The following NALF1 variants were observed in gnomAD, a reference collection of about 807,000 sequenced individuals.
NALF1 encodes the protein NALCN channel auxiliary factor 1.
NALF1 carries 3 observed loss-of-function variants against 48.4 expected under a neutral mutation model. The observed-to-expected ratio is 0.06, with a 90% CI of 0.03 to 0.16. The LOEUF (loss-of-function observed/expected upper bound fraction) is 0.16. Ranked by LOEUF, NALF1 falls within the 10% of genes least tolerant of loss-of-function variation. NALF1 has a pLI of 1.00. For missense variants in NALF1, 526 were observed against 571.5 expected, an observed-to-expected ratio of 0.92 and a Z score of 0.81; for synonymous variants, 262 against 245.7, an observed-to-expected ratio of 1.07 and a Z score of -0.62.
At chr13:107,835,462 C>A (rs545274879) in intron 1 of NALF1, 1 of 152,306 alleles carries the variant, frequency 6.6e-6, no homozygotes, top group African/African-American at 2.4e-5. Flanking sequence ...GAGGAATAAA[C>A]CTCCTTTTAG....
intron 1 of NALF1, among the ~76,000 whole-genome samples, chr13:107,252,115 G>A (rs1460218710): frequency 1.3e-5 from 2 of 152,164 alleles, no homozygotes; most frequent in Non-Finnish European, 2.9e-5. Context: ...GGGCATGGGA[G>A]GCCTGGCGAG....
chr13:107,490,012 T>A (rs1885389800), intron 1 of NALF1, among the ~76,000 whole-genome samples: 1 of 152,046 alleles, frequency 6.6e-6, no homozygotes, highest in Non-Finnish European at 1.5e-5. Flanking sequence ...ATTAGAGAAA[T>A]GCAAATCAAA....
At chr13:107,445,654 T>C (rs1200725116) in intron 1 of NALF1, among the ~76,000 whole-genome samples, 2 of 152,242 alleles carry the variant, frequency 1.3e-5, no homozygotes, top group Non-Finnish European at 2.9e-5. Flanking sequence ...TTCCAGAATG[T>C]CAGTGACATT....
chr13:107,387,449 C>T (rs1223331950), intron 1 of NALF1, among the ~76,000 whole-genome samples: 1 of 152,124 alleles, frequency 6.6e-6, no homozygotes, highest in Non-Finnish European at 1.5e-5. Flanking sequence ...TTACTGTCAA[C>T]CCCCACTGAT....
At chr13:107,806,146 T>A (rs141823577) in intron 1 of NALF1, among the ~76,000 whole-genome samples, 7 of 152,124 alleles carry the variant, frequency 4.6e-5, no homozygotes, top group African/African-American at 1.2e-4. Flanking sequence ...GGAAGGCACA[T>A]GCGTTTTAGA....
At chr13:107,777,166 A>C (rs1036857635) in intron 1 of NALF1, among the ~76,000 whole-genome samples, 1 of 152,200 alleles carries the variant, frequency 6.6e-6, no homozygotes, top group African/African-American at 2.4e-5. Flanking sequence ...GAAACTTCAC[A>C]TAAAGTATCT....
intron 1 of NALF1, among the ~76,000 whole-genome samples, chr13:107,705,733 C>G (rs1881932358): frequency 6.6e-6 from 1 of 152,186 alleles, no homozygotes; most frequent in Non-Finnish European, 1.5e-5. Flanking sequence ...AATTAGCTAC[C>G]TATCTCTGCT....
chr13:107,306,829 G>A (rs1373426702), intron 1 of NALF1, among the ~76,000 whole-genome samples: 1 of 152,082 alleles, frequency 6.6e-6, no homozygotes, highest in African/African-American at 2.4e-5. Context: ...GCTGGGTATG[G>A]TGGTGCCTGC....
intron 1 of NALF1, among the ~76,000 whole-genome samples, chr13:107,502,248 T>C (rs570932222): frequency 1.4e-4 from 22 of 152,316 alleles, no homozygotes; most frequent in African/African-American, 5.1e-4. Flanking sequence ...TATTATGTTT[T>C]ATTCCAAAAG....
At chr13:107,433,636 C>T (rs558230961) in intron 1 of NALF1, among the ~76,000 whole-genome samples, 1 of 151,742 alleles carries the variant, frequency 6.6e-6, no homozygotes, top group Admixed American at 6.6e-5. Context: ...GTAATACAAA[C>T]ATTTGCTATT....
chr13:107,389,731 T>C (rs1255593107), intron 1 of NALF1, among the ~76,000 whole-genome samples: 1 of 152,138 alleles, frequency 6.6e-6, no homozygotes, highest in Non-Finnish European at 1.5e-5. Flanking sequence ...CAAGATCATG[T>C]CTCTTTTGTT....
intron 1 of NALF1, among the ~76,000 whole-genome samples, chr13:107,547,863 G>C (rs1031911458): frequency 1.3e-5 from 2 of 152,158 alleles, no homozygotes; most frequent in Admixed American, 1.3e-4. Flanking sequence ...AAAGAGAAGG[G>C]TTGCGACTGC....
chr13:107,447,741 T>C (rs941694468), intron 1 of NALF1, among the ~76,000 whole-genome samples: 3 of 152,076 alleles, frequency 2.0e-5, no homozygotes, highest in African/African-American at 7.2e-5. Context: ...GCAGCTGCAG[T>C]CAATTCTACT....
chr13:107,397,059 T>A (rs1316970951), intron 1 of NALF1, among the ~76,000 whole-genome samples: 1 of 152,192 alleles, frequency 6.6e-6, no homozygotes, highest in Non-Finnish European at 1.5e-5. Flanking sequence ...GTCTAACACC[T>A]GGGACTAGGG....
At chr13:107,836,273 G>C (rs1186128581) in intron 1 of NALF1, among the ~76,000 whole-genome samples, 1 of 152,138 alleles carries the variant, frequency 6.6e-6, no homozygotes, top group Non-Finnish European at 1.5e-5. Context: ...TTACAGGTAT[G>C]AGCCACCATG....
At chr13:107,745,355 A>G (rs1404548434) in intron 1 of NALF1, among the ~76,000 whole-genome samples, 1 of 152,162 alleles carries the variant, frequency 6.6e-6, no homozygotes, top group East Asian at 1.9e-4. Context: ...ATATTAGTCA[A>G]ATTATAGACA....
At chr13:107,462,160 A>G (rs1884929135) in intron 1 of NALF1, among the ~76,000 whole-genome samples, 2 of 152,308 alleles carry the variant, frequency 1.3e-5, no homozygotes, top group South Asian at 4.1e-4. Context: ...CTCCAAGTTA[A>G]AGATCATTTT....
At chr13:107,552,494 T>G (rs1042910536) in intron 1 of NALF1, among the ~76,000 whole-genome samples, 1 of 152,158 alleles carries the variant, frequency 6.6e-6, no homozygotes. Context: ...ATTTTAAATG[T>G]TACTCCAAAA....
rs557637818 is a variant in NALF1, at chr13:107,274,548, C to T, written c.916-63793G>A. On this transcript the variant is annotated intron_variant, in intron 1 of 2. Transcript: ENST00000375915. ...CTGCACTCCAGCCCAGGTGACAAGACGAGACCTTGTCTCTAAAGTAAATAA... is the reference window on the plus strand; with the variant it reads ...CTGCACTCCAGCCCAGGTGACAAGATGAGACCTTGTCTCTAAAGTAAATAA... Among the ~76,000 whole-genome samples, 57 of 152,080 alleles carry T rather than the reference C, an allele frequency of 3.7e-4. 1 individual carries two copies. In the South Asian group the frequency reaches 0.011, roughly 29 times the overall value.
Sources: allele counts gnomAD v4.1 joint callset (sites outside exome capture counted in the v4.1 genomes callset), GRCh38; gene constraint gnomAD v4.1.1; transcripts MANE v1.5; gene names NCBI Gene and HGNC (gene_info 2026-07-23, HGNC 2026-07-21).